OPHN1: variants seen among roughly 807,000 people sequenced by gnomAD.
OPHN1 encodes oligophrenin-1.
OPHN1 carries 11 observed loss-of-function variants against 60.7 expected under a neutral mutation model. The observed-to-expected ratio is 0.18, with a 90% CI of 0.11 to 0.30. The LOEUF is 0.30. OPHN1 is among the 10% of genes least tolerant of loss of function. OPHN1 has a pLI of 1.00. For missense variants in OPHN1, 449 were observed against 611.0 expected (o/e 0.73, Z 2.80); for synonymous variants, 226 against 222.6 (o/e 1.02, Z -0.14).
intron 2 of OPHN1, among the ~76,000 whole-genome samples, chrX:68,389,017 T>C (rs778328293): frequency 9.2e-6 from 1 of 108,228 alleles, no homozygotes; most frequent in South Asian, 4.2e-4. Flanking sequence ...TACAGTGGTG[T>C]AATCATGGCT....
intron 2 of OPHN1, among the ~76,000 whole-genome samples, chrX:68,389,121 A>ATTT (rs111626398): frequency 2.1e-5 from 2 of 94,402 alleles, no homozygotes; most frequent in Non-Finnish European, 4.2e-5. Flanking sequence ...ACTCTGGCTA[A>ATTT]TTTTTTTTTT....
chrX:68,292,056 G>A (rs910717895), intron 3 of OPHN1, among the ~76,000 whole-genome samples: 1 of 111,600 alleles, frequency 9.0e-6, no homozygotes, highest in African/African-American at 3.3e-5. Context: ...AACGATCAAT[G>A]TTCTTGCTTT....
At chrX:68,337,473 C>G (rs1395438866) in intron 2 of OPHN1, among the ~76,000 whole-genome samples, 1 of 111,664 alleles carries the variant, frequency 9.0e-6, no homozygotes, top group East Asian at 2.8e-4. Context: ...TAGTAACATT[C>G]AACAGAAATA....
intron 18 of OPHN1, chrX:68,101,954 G>C (rs1737920211): frequency 8.9e-6 from 1 of 112,126 alleles, no homozygotes; most frequent in South Asian, 3.7e-4. Context: ...ACAAGAAGTA[G>C]AGTAATTAGC....
At chrX:68,368,897 C>T (rs1353570094) in intron 2 of OPHN1, among the ~76,000 whole-genome samples, 1 of 111,695 alleles carries the variant, frequency 9.0e-6, no homozygotes, top group Non-Finnish European at 1.9e-5. Flanking sequence ...AACCAAAATA[C>T]TACTAAGAAT....
chrX:68,101,915 T>G (rs752028085), intron 18 of OPHN1, among the ~76,000 whole-genome samples: 3 of 112,222 alleles, frequency 2.7e-5, no homozygotes, highest in Non-Finnish European at 5.6e-5. Flanking sequence ...CATCTAGCCT[T>G]TAGATATAAC....
At chrX:68,266,008 C>G (rs1299004135) in intron 5 of OPHN1, among the ~76,000 whole-genome samples, 1 of 111,453 alleles carries the variant, frequency 9.0e-6, no homozygotes, top group Non-Finnish European at 1.9e-5. Context: ...AACAAAGCCT[C>G]CAAGAAATAT....
chrX:68,351,878 T>C (rs1197035197), intron 2 of OPHN1, among the ~76,000 whole-genome samples: 2 of 84,938 alleles, frequency 2.4e-5, no homozygotes, highest in Non-Finnish European at 4.6e-5. Context: ...TTTTTCTTTT[T>C]TTTTTTTTTT....
chrX:68,257,283 T>C (rs2077868847), intron 5 of OPHN1, among the ~76,000 whole-genome samples: 1 of 112,607 alleles, frequency 8.9e-6, no homozygotes, highest in Non-Finnish European at 1.9e-5. Context: ...AATATGGAAT[T>C]ACTGTTAGAA....
At chrX:68,267,330 C>T (rs1346507091) in intron 5 of OPHN1, among the ~76,000 whole-genome samples, 1 of 112,011 alleles carries the variant, frequency 8.9e-6, no homozygotes, top group Non-Finnish European at 1.9e-5. Flanking sequence ...CAAACTATCT[C>T]TCAGACCACA....
chrX:68,150,670 G>A (rs1305932589), intron 15 of OPHN1, among the ~76,000 whole-genome samples: 1 of 111,553 alleles, frequency 9.0e-6, no homozygotes, highest in Admixed American at 9.5e-5. Flanking sequence ...AGCAAGTAGA[G>A]TCAGCAAAGT....
chrX:68,063,901 A>G lies in OPHN1; in HGVS notation c.2111T>C (p.Phe704Ser). The G allele has an allele frequency of 8.4e-7, 1 of 1,184,314 alleles. No homozygotes were observed. Among genetic ancestry groups the G allele is most frequent in the Non-Finnish European group, 1.1e-6 (1 of 880,896 alleles). The change falls in exon 21 of 25, where the codon TTC (phenylalanine) becomes TCC (serine). Residue 704 changes from phenylalanine to serine, a missense_variant. Transcript: ENST00000355520. ...CCGGGGAGCTGGTCTCTTTATGTGGAAAGAGGGGGTCTTGGTGGGCCCAGA... is the reference window on the plus strand; with the variant it reads ...CCGGGGAGCTGGTCTCTTTATGTGGGAAGAGGGGGTCTTGGTGGGCCCAGA... ...PGSGPTKTPSFHIKRPAPRPL... is the reference protein window; with the variant it reads ...PGSGPTKTPSSHIKRPAPRPL...
chrX:68,368,362 C>A (rs1167950477), intron 2 of OPHN1, among the ~76,000 whole-genome samples: 1 of 110,939 alleles, frequency 9.0e-6, no homozygotes, highest in Non-Finnish European at 1.9e-5. Context: ...AAGACCTCAT[C>A]AGCACAAATA....
In OPHN1 at chrX:68,257,657, T is replaced by C. The variant is rs1053832636; in HGVS notation, c.384+17081A>G. On this transcript the variant is annotated intron_variant, in intron 5 of 24. Transcript: ENST00000355520. The stretch of plus-strand genomic sequence containing the variant: ...CTACACAGCTACCAATAGCCACAGG[T>C]GGCTACATTACCTTAAATTAACTAA... Among the ~76,000 whole-genome samples, 194 of 112,204 alleles carry C rather than the reference T, an allele frequency of 1.7e-3. 1 individual carries two copies. The highest frequency in any genetic ancestry group is 5.8e-3 in the African/African-American group (179 of 30,983).
chrX:68,303,657 AAAAG>A (rs1275064188), intron 2 of OPHN1, among the ~76,000 whole-genome samples: 25 of 110,583 alleles, frequency 2.3e-4, no homozygotes, highest in African/African-American at 6.2e-4. Context: ...TCAAAAAAAA[AAAAG>A]AAAGAAAGAA....
At chrX:68,293,244 C>G (rs761091585) in intron 3 of OPHN1, among the ~76,000 whole-genome samples, 1 of 112,307 alleles carries the variant, frequency 8.9e-6, no homozygotes, top group African/African-American at 3.2e-5. Context: ...GAAAAAAATA[C>G]CAACAAAAGC....
At chrX:68,380,082 T>C (rs1203051539) in intron 2 of OPHN1, among the ~76,000 whole-genome samples, 1 of 111,694 alleles carries the variant, frequency 9.0e-6, no homozygotes, top group Non-Finnish European at 1.9e-5. Context: ...TGGTAAGCTA[T>C]TGATAATTGC....
Position 68,433,387 on chromosome X carries a change from T to C in OPHN1, c.-224A>G, listed in dbSNP as rs138532184. On this transcript the variant is annotated 5_prime_UTR_variant, in exon 1 of 25. Coordinates refer to ENST00000355520, the MANE Select transcript of OPHN1 (RefSeq NM_002547.3). ...GACGGGCCGGATCCTTCCTGAGCAA[T>C]TGCAAACGTGACACTTGGGCCCGCC... 114 of 274,109 alleles carry C rather than the reference T, an allele frequency of 4.2e-4. No individual in the cohort carries two copies. In the Middle Eastern group the frequency reaches 0.011, roughly 27 times the overall value. 22.6% of individuals were successfully genotyped at this position (274,109 alleles called of 1,213,427 possible).
chrX:68,354,917 GA>G, intron 2 of OPHN1, among the ~76,000 whole-genome samples: 1 of 111,550 alleles, frequency 9.0e-6, no homozygotes. Flanking sequence ...CTGATTTTAT[GA>G]GTACATATAT....
Sources: allele counts gnomAD v4.1 joint callset (sites outside exome capture counted in the v4.1 genomes callset), GRCh38; gene constraint gnomAD v4.1.1; transcripts MANE v1.5; gene names NCBI Gene and HGNC (gene_info 2026-07-23, HGNC 2026-07-21).